The following AMBP variants were observed in gnomAD, a reference collection of about 807,000 sequenced individuals.
AMBP encodes protein AMBP.
AMBP carries 37 observed loss-of-function variants against 46.3 expected under a neutral mutation model. The observed-to-expected ratio is 0.80, with a 90% CI of 0.61 to 1.05. The LOEUF is 1.05. Among genes scored for constraint, AMBP ranks in the 50% least tolerant of loss-of-function variants. The pLI is 0.00. For missense variants in AMBP, 475 were observed against 461.2 expected (o/e 1.03, Z -0.27); for synonymous variants, 174 against 175.9 (o/e 0.99, Z 0.09).
chr9:114,061,482 C>T lies in AMBP; in HGVS notation c.795G>A (p.Met265Ile), dbSNP rs1381708374. 6.2e-7 allele frequency: 1 copy of T among 1,614,120 alleles called. No homozygotes were observed. Residue 265 changes from methionine (M) to isoleucine (I), a missense_variant, in exon 8 of 10, where the codon ATG becomes ATA. Physicochemically the swap from Met to Ile is conservative, Grantham distance 10. This residue lies in a region of AMBP where 293 missense variants were observed against 276.9 expected (regional missense o/e 1.06). Transcript: ENST00000265132. Reference protein sequence around the residue: ...ACETFQYGGCMGNGNNFVTEK... With the variant: ...ACETFQYGGCIGNGNNFVTEK... ...CTGTGACGAAGTTGTTACCGTTGCC[C>T]ATGCAGCCGCCGTACTGGAAAGTCT... is the stretch of plus-strand genomic sequence containing the variant.
rs954072735 is a variant in AMBP at position 114,069,645 on chromosome 9, G to A, written c.603+54C>T. 5.2e-6 allele frequency: 8 copies of A among 1,537,496 alleles called. No homozygotes were observed. The African/African-American group carries it at 1.1e-4, about 21-fold the overall frequency. ...GCAGGATCAAGTGTGCAGCGTGCCT[G>A]GGGCAGAGTGGGGTGGGATGGGGTG... On this transcript the variant is annotated intron_variant, in intron 6 of 9. Transcript: ENST00000265132.
chr9:114,064,799 C>T (rs10817564), intron 6 of AMBP, among the ~76,000 whole-genome samples: 39,350 of 152,056 alleles, frequency 0.26, 5,294 homozygotes, highest in East Asian at 0.47. Context: ...ATTTTGGAAC[C>T]GAATAGAATG....
chr9:114,063,401 C>T (rs1169525039), intron 6 of AMBP, among the ~76,000 whole-genome samples: 1 of 152,206 alleles, frequency 6.6e-6, no homozygotes, highest in Non-Finnish European at 1.5e-5. Flanking sequence ...CTGTAGTAAT[C>T]TCAAAATTTC....
intron 8 of AMBP, 60 bp from the exon 9 acceptor site, chr9:114,061,158 C>G (rs914778782): frequency 2.1e-4 from 332 of 1,577,044 alleles, no homozygotes; most frequent in Admixed American, 8.8e-4. Context: ...ATCAGACATA[C>G]ATGAGACTGC....
chr9:114,061,416 G>A lies in AMBP; in HGVS notation c.853+8C>T, dbSNP rs371270133. On this transcript the variant is annotated splice_region_variant and intron_variant, in intron 8 of 9. Coordinates refer to ENST00000265132, the MANE Select transcript of AMBP (RefSeq NM_001633.4). ...GCAGAGCGCACAGGGGTGGGGACCC[G>A]CACTCACCCACAGTTCGGCAGGTCT... is the stretch of plus-strand genomic sequence containing the variant. The A allele has an allele frequency of 1.6e-4, 266 of 1,614,034 alleles. No homozygotes were observed. The highest frequency in any genetic ancestry group is 2.1e-4 in the Non-Finnish European group (252 of 1,179,976).
At chr9:114,071,279 G>A (rs1010138883) in intron 5 of AMBP, among the ~76,000 whole-genome samples, 3 of 152,250 alleles carry the variant, frequency 2.0e-5, no homozygotes, top group African/African-American at 7.2e-5. Context: ...TCTCTCTGCT[G>A]TTGGTGCCTG....
intron 5 of AMBP, among the ~76,000 whole-genome samples, chr9:114,071,443 G>A (rs1187301060): frequency 2.0e-5 from 3 of 152,260 alleles, no homozygotes; most frequent in Non-Finnish European, 4.4e-5. Context: ...GAGGCCGAGT[G>A]GGGGCTGATG....
intron 7 of AMBP, 57 bp downstream of exon 7, chr9:114,062,620 G>C: frequency 6.4e-7 from 1 of 1,565,076 alleles, no homozygotes; most frequent in Non-Finnish European, 8.8e-7. Context: ...TGAGCCAACT[G>C]TGGGCCCTTC....
chr9:114,060,272 T>C lies in AMBP; in HGVS notation c.1028-2A>G, dbSNP rs557390412. The C allele has an allele frequency of 6.2e-7, 1 of 1,613,086 alleles. No individual in the cohort carries two copies. The highest frequency in any genetic ancestry group is 1.3e-5 in the African/African-American group (1 of 75,014). ...AGAAGCGCAGCAGCTCCTCATCACC[T>C]GTGGACACAGAGAGACTCAGGGAGG... On this transcript the variant is annotated splice_acceptor_variant, in intron 9 of 9. Coordinates refer to ENST00000265132, the MANE Select transcript of AMBP (RefSeq NM_001633.4). LOFTEE classifies it high-confidence loss of function.
rs759093249 is a variant in AMBP at position 114,069,808 on chromosome 9, C to T, written c.557-63G>A. 9.0e-6 allele frequency: 14 copies of T among 1,556,884 alleles called. No individual in the cohort carries two copies. The African/African-American group carries it at 1.8e-4, about 20-fold the overall frequency. On this transcript the variant is annotated intron_variant, in intron 5 of 9. Transcript: ENST00000265132. ...ACCAGGCCCAGGGGCCATCCTAGACCCGGATTTGTATCTTTGGTGAGCATC... is the reference window on the plus strand; with the variant it reads ...ACCAGGCCCAGGGGCCATCCTAGACTCGGATTTGTATCTTTGGTGAGCATC...
At chr9:114,076,819 C>T (rs1464229638) in intron 1 of AMBP, 79 bp from the exon 2 acceptor site, 2 of 1,503,156 alleles carry the variant, frequency 1.3e-6, no homozygotes, top group Non-Finnish European at 1.8e-6. Flanking sequence ...GCTCCCCACC[C>T]TCCACCTCCT....
chr9:114,078,125 T>G lies in AMBP; in HGVS notation c.85A>C (p.Ile29Leu). The stretch of plus-strand genomic sequence containing the variant: ...ATATTGAAGTTTTCCTGCACTTGGA[T>G]GTTGTCGGGCGGCGTTGGCACAGGG... ...AGPVPTPPDN[I>L]QVQENFNISR... Residue 29 changes from isoleucine (I) to leucine (L), a missense_variant, in exon 1 of 10, where the codon ATC (isoleucine) becomes CTC (leucine). By Grantham distance (5) the Ile-to-Leu change is conservative. Around this residue, in one of 3 missense-constraint regions of AMBP, gnomAD observed 179 missense variants for 167.4 expected, o/e 1.07. Transcript: ENST00000265132. 1 of 1,613,866 alleles carries G rather than the reference T, an allele frequency of 6.2e-7. No individual in the cohort carries two copies. Among genetic ancestry groups the G allele is most frequent in the Non-Finnish European group, 8.5e-7 (1 of 1,180,026 alleles).
intron 5 of AMBP, 127 bp downstream of exon 5, chr9:114,072,797 TG>T: frequency 1.4e-6 from 1 of 719,996 alleles, no homozygotes; most frequent in Non-Finnish European, 2.3e-6. Flanking sequence ...TGATTCACTA[TG>T]GAGGGGAGGC....
chr9:114,070,133 G>A lies in AMBP; in HGVS notation c.557-388C>T, dbSNP rs531973416. On this transcript the variant is annotated intron_variant, in intron 5 of 9. Coordinates refer to ENST00000265132, the MANE Select transcript of AMBP (RefSeq NM_001633.4). Reference sequence around the variant, plus strand: ...CCCAATTTACAGAGGAGGGAAATGAGGCTCTGAGAAGTTGACTAGCCAGAG... The same window carrying A: ...CCCAATTTACAGAGGAGGGAAATGAAGCTCTGAGAAGTTGACTAGCCAGAG... Among the ~76,000 whole-genome samples, 224 of 152,344 alleles carry A rather than the reference G, an allele frequency of 1.5e-3. 1 individual carries two copies. Among genetic ancestry groups the A allele is most frequent in the African/African-American group, 5.0e-3 (209 of 41,576 alleles).
In AMBP at chr9:114,078,093, C is replaced by G; in HGVS notation, c.117G>C (p.Arg39=). 6.2e-7 allele frequency: 1 copy of G among 1,614,026 alleles called. No homozygotes were observed. The highest frequency in any genetic ancestry group is 1.1e-5 in the South Asian group (1 of 91,076). Residue 39 remains arginine (R), a splice_region_variant and synonymous_variant, in exon 1 of 10, where the codon CGG becomes CGC. Transcript: ENST00000265132. Reference sequence around the variant, plus strand: ...CTACCACAGAGAGCGGCAGCCTTACCCGAGAGATATTGAAGTTTTCCTGCA... The same window carrying G: ...CTACCACAGAGAGCGGCAGCCTTACGCGAGAGATATTGAAGTTTTCCTGCA... ...IQVQENFNIS[R]IYGKWYNLAI...
In AMBP at chr9:114,066,146, T is replaced by A. The variant is rs958168634; in HGVS notation, c.604-3388A>T. On this transcript the variant is annotated intron_variant, in intron 6 of 9. Transcript: ENST00000265132. The stretch of plus-strand genomic sequence containing the variant: ...AGCCCCTTTGCAGCATCTTGGGACG[T>A]CTCTGAAATGTCAGAGGTCCCTGTA... 2.0e-5 allele frequency among the ~76,000 whole-genome samples: 3 copies of A among 152,284 alleles called. No individual in the cohort carries two copies. In the South Asian group the frequency reaches 6.2e-4, roughly 32 times the overall value.
chr9:114,066,493 A>G (rs10982050), intron 6 of AMBP, among the ~76,000 whole-genome samples: 42,920 of 151,502 alleles, frequency 0.28, 6,198 homozygotes, highest in East Asian at 0.47. Flanking sequence ...GCCCCGCAGA[A>G]TGCTGGGATT....
chr9:114,075,539 G>A (rs1846796907), intron 2 of AMBP, among the ~76,000 whole-genome samples: 1 of 152,212 alleles, frequency 6.6e-6, no homozygotes, highest in Non-Finnish European at 1.5e-5. Context: ...TTGTTACAAT[G>A]AGCACTATTT....
In AMBP at chr9:114,069,996, A is replaced by G. The variant is rs1388783909; in HGVS notation, c.557-251T>C. The G allele has an allele frequency of 9.3e-6, 5 of 540,400 alleles. 1 individual carries two copies. In the Admixed American group the frequency reaches 9.7e-5, roughly 11 times the overall value. The allele number at this position is 540,400 out of a possible 1,614,324, so 33.5% of individuals were successfully genotyped here. ...TAGCATCATTTTATCAGCATCATGG[A>G]AAGAATAGCAATAGCTAACACTGAC... On this transcript the variant is annotated intron_variant, in intron 5 of 9. Coordinates refer to ENST00000265132, the MANE Select transcript of AMBP (RefSeq NM_001633.4).
Sources: gnomAD v4.1 joint callset for allele counts (sites outside exome capture counted in the v4.1 genomes callset) on GRCh38, gnomAD v4.1.1 for gene constraint, gnomAD v4.1.1 regional missense constraint, MANE v1.5 for transcripts, NCBI Gene and HGNC (gene_info 2026-07-23, HGNC 2026-07-21) for gene names.